Variants in LOC122539214 observed in about 807,000 individuals in gnomAD.
chr19:52,681,331 T>C, the LOC122539214 span, among the ~76,000 whole-genome samples: 2 of 144,752 alleles, frequency 1.4e-5, no homozygotes, highest in Admixed American at 6.9e-5. Flanking sequence ...TCTCTACAGA[T>C]AGTATGTTCA....
chr19:52,677,938 G>A, the LOC122539214 span, among the ~76,000 whole-genome samples: 27 of 151,960 alleles, frequency 1.8e-4, no homozygotes, highest in Admixed American at 4.6e-4. Flanking sequence ...GGGAGGCTGA[G>A]GCAGGAGAAT....
At chr19:52,656,301 C>T in the LOC122539214 span, among the ~76,000 whole-genome samples, 1 of 151,992 alleles carries the variant, frequency 6.6e-6, no homozygotes, top group African/African-American at 2.4e-5. Context: ...GTAGGTGGAT[C>T]ACTTAAGGTC....
the LOC122539214 span, among the ~76,000 whole-genome samples, chr19:52,684,163 G>A: frequency 6.6e-6 from 1 of 152,100 alleles, no homozygotes; most frequent in Non-Finnish European, 1.5e-5. Context: ...GAGGTCAGGA[G>A]TTTGAGACCA....
At chr19:52,656,022 G>A in the LOC122539214 span, among the ~76,000 whole-genome samples, 3 of 152,114 alleles carry the variant, frequency 2.0e-5, no homozygotes, top group South Asian at 6.2e-4. Flanking sequence ...ACCACCCAGG[G>A]CAACATGGTG....
the LOC122539214 span, among the ~76,000 whole-genome samples, chr19:52,685,795 G>A: frequency 0.01 from 1,590 of 151,830 alleles, 29 homozygotes; most frequent in African/African-American, 0.036. Context: ...CTACTCAGGA[G>A]GCTGAAGCAG....
At chr19:52,669,994 A>G in the LOC122539214 span, among the ~76,000 whole-genome samples, 4 of 152,222 alleles carry the variant, frequency 2.6e-5, no homozygotes, top group Non-Finnish European at 4.4e-5. Context: ...TGAGTTCTAA[A>G]TTTCTTTTCA....
the LOC122539214 span, among the ~76,000 whole-genome samples, chr19:52,684,905 A>G: frequency 6.6e-6 from 1 of 152,070 alleles, no homozygotes; most frequent in Non-Finnish European, 1.5e-5. Context: ...CACAGTGAGG[A>G]GTTGGGCTTT....
chr19:52,677,763 A>T, the LOC122539214 span, among the ~76,000 whole-genome samples: 1 of 151,982 alleles, frequency 6.6e-6, no homozygotes, highest in Non-Finnish European at 1.5e-5. Context: ...GCCAGAGGGG[A>T]TGGCTCATGC....
the LOC122539214 span, among the ~76,000 whole-genome samples, chr19:52,666,163 C>A: frequency 0.011 from 1,116 of 101,810 alleles, no homozygotes; most frequent in African/African-American, 0.011. Context: ...GACTCCATCT[C>A]AAAAAAAAAA....
At chr19:52,683,405 T>C in the LOC122539214 span, among the ~76,000 whole-genome samples, 78 of 152,196 alleles carry the variant, frequency 5.1e-4, no homozygotes, top group African/African-American at 1.8e-3. Flanking sequence ...CTTGGAAGAA[T>C]CTTTCCTGAA....
chr19:52,687,645 A>ATGTG, the LOC122539214 span, among the ~76,000 whole-genome samples: 1 of 26,904 alleles, frequency 3.7e-5, no homozygotes, highest in African/African-American at 4.0e-4. Context: ...ATATATATAT[A>ATGTG]TATATATATA....
the LOC122539214 span, chr19:52,655,011 C>T: frequency 2.5e-3 from 379 of 152,914 alleles, no homozygotes; most frequent in Non-Finnish European, 4.1e-3. Flanking sequence ...CATGGTGATT[C>T]CCCATCTCTA....
chr19:52,677,818 G>C, the LOC122539214 span, among the ~76,000 whole-genome samples: 1 of 151,986 alleles, frequency 6.6e-6, no homozygotes, highest in African/African-American at 2.4e-5. Context: ...TGGATCATGA[G>C]GTCAGGAGTT....
the LOC122539214 span, chr19:52,660,723 AAAAG>A: frequency 5.2e-6 from 1 of 192,618 alleles, no homozygotes; most frequent in Admixed American, 5.1e-5. Context: ...GGTATATCAG[AAAAG>A]AGAGAGAAGA....
At chr19:52,668,361 T>C in the LOC122539214 span, among the ~76,000 whole-genome samples, 840 of 152,302 alleles carry the variant, frequency 5.5e-3, 5 homozygotes, top group African/African-American at 0.019. Flanking sequence ...CCCTACCAAA[T>C]TAAAGCTAAG....
At chr19:52,685,255 T>C in the LOC122539214 span, among the ~76,000 whole-genome samples, 5 of 152,230 alleles carry the variant, frequency 3.3e-5, no homozygotes, top group East Asian at 9.7e-4. Context: ...GGACGCTCAC[T>C]GGGCTCAGAG....
the LOC122539214 span, among the ~76,000 whole-genome samples, chr19:52,683,622 A>G: frequency 6.6e-6 from 1 of 152,100 alleles, no homozygotes; most frequent in East Asian, 1.9e-4. Context: ...GTTCACACAG[A>G]TGACAAAAAT....
the LOC122539214 span, chr19:52,674,150 A>C: frequency 3.9e-5 from 6 of 152,268 alleles, no homozygotes; most frequent in East Asian, 1.2e-3. Context: ...CCTCAAATGA[A>C]CTCTTGGGCC....
chr19:52,661,535 G>A, the LOC122539214 span, among the ~76,000 whole-genome samples: 3 of 152,178 alleles, frequency 2.0e-5, no homozygotes, highest in African/African-American at 4.8e-5. Context: ...CAGCGCCATC[G>A]TATTATTGAG....
Sources: allele counts gnomAD v4.1 joint callset (sites outside exome capture counted in the v4.1 genomes callset), GRCh38; gene constraint gnomAD v4.1.1; transcripts MANE v1.5.